Variants in STK3 observed in about 807,000 individuals in gnomAD.
STK3 encodes the protein serine/threonine-protein kinase 3.
A neutral mutation model predicts 58.0 loss-of-function variants in STK3; 41 were observed. The ratio of observed to expected loss-of-function variants is 0.71; its 90% CI spans 0.55 to 0.92. The LOEUF is 0.92. Among genes scored for constraint, STK3 ranks in the 40% least tolerant of loss-of-function variants. The pLI, the probability that STK3 is intolerant of heterozygous loss-of-function variation, is 0.00. For synonymous variants in STK3, 170 were observed against 191.0 expected, an observed-to-expected ratio of 0.89 and a Z score of 0.91; for missense variants, 479 against 602.7, an observed-to-expected ratio of 0.79 and a Z score of 2.15.
At chr8:98,461,725 T>C (rs1040379983) in intron 10 of STK3, among the ~76,000 whole-genome samples, 17 of 152,348 alleles carry the variant, frequency 1.1e-4, no homozygotes, top group African/African-American at 3.8e-4. Flanking sequence ...AAAGAATTTA[T>C]TTCTCCTTCA....
At chr8:98,585,413 C>G (rs1246942012) in intron 7 of STK3, among the ~76,000 whole-genome samples, 2 of 151,264 alleles carry the variant, frequency 1.3e-5, no homozygotes, top group Non-Finnish European at 1.5e-5. Context: ...TGTAGATATG[C>G]GGCATTATTT....
chr8:98,565,013 T>C (rs1489557123), intron 8 of STK3, among the ~76,000 whole-genome samples: 1 of 152,162 alleles, frequency 6.6e-6, no homozygotes, highest in African/African-American at 2.4e-5. Flanking sequence ...TTTTTCTATT[T>C]CTTCTATAAA....
chr8:98,399,575 C>G (rs1817924290), downstream of STK3, among the ~76,000 whole-genome samples: 1 of 152,210 alleles, frequency 6.6e-6, no homozygotes. Context: ...GGAAGACTGG[C>G]AAACAAAGCT....
chr8:98,385,178 C>T (rs998303250), intron 1 of STK3, among the ~76,000 whole-genome samples: 15 of 152,086 alleles, frequency 9.9e-5, no homozygotes, highest in African/African-American at 3.6e-4. Flanking sequence ...GAGAAGAAAC[C>T]CTGTTGTGCC....
In STK3 at chr8:98,807,354, C is replaced by T. The variant is rs546524068; in HGVS notation, c.26+18161G>A. 4.6e-5 allele frequency among the ~76,000 whole-genome samples: 7 copies of T among 151,916 alleles called. No homozygotes were observed. In the South Asian group the frequency reaches 1.5e-3, roughly 32 times the overall value. On this transcript the variant is annotated intron_variant, in intron 1 of 10. Coordinates refer to ENST00000419617, the MANE Select transcript of STK3 (RefSeq NM_006281.4). ...TCACTGCAACATCTGCCTCCTGAGT[C>T]CAAACAATTCTTGTGCCCCAGCCTC... is the stretch of plus-strand genomic sequence containing the variant.
At chr8:98,782,231 A>G (rs4255105) in intron 1 of STK3, 125,225 of 170,550 alleles carry the variant, frequency 0.73, 46,862 homozygotes, top group African/African-American at 0.87. Context: ...CTCACTGCCA[A>G]AAAAGCACCT....
intron 1 of STK3, among the ~76,000 whole-genome samples, chr8:98,815,037 C>A (rs530949254): frequency 6.6e-6 from 1 of 152,130 alleles, no homozygotes; most frequent in East Asian, 1.9e-4. Flanking sequence ...TATTTTCTAT[C>A]TTTTTCATTT....
chr8:98,543,918 C>G (rs1002762159), intron 9 of STK3, among the ~76,000 whole-genome samples: 2 of 152,094 alleles, frequency 1.3e-5, no homozygotes, highest in Non-Finnish European at 2.9e-5. Flanking sequence ...TGGACCATAT[C>G]AAAGTTTTCC....
chr8:98,408,651 G>C (rs1818023526), intron 3 of STK3, among the ~76,000 whole-genome samples: 1 of 152,184 alleles, frequency 6.6e-6, no homozygotes, highest in Admixed American at 6.5e-5. Flanking sequence ...TTCTAAATAG[G>C]CCTTCCTGAC....
intron 10 of STK3, among the ~76,000 whole-genome samples, chr8:98,464,577 G>GA (rs1206427709): frequency 6.9e-5 from 7 of 102,154 alleles, no homozygotes; most frequent in Admixed American, 1.9e-4. Context: ...AAGAAAGAAA[G>GA]AAAAAAAAAG....
chr8:98,706,688 T>C (rs1825986132), intron 5 of STK3, 54 bp from the exon 6 acceptor site: 2 of 1,449,126 alleles, frequency 1.4e-6, no homozygotes, highest in Non-Finnish European at 1.8e-6. Flanking sequence ...AAAGGAAATC[T>C]GTATGCCAAA....
At chr8:98,498,058 T>C (rs1219539398) in intron 10 of STK3, among the ~76,000 whole-genome samples, 1 of 152,320 alleles carries the variant, frequency 6.6e-6, no homozygotes, top group Non-Finnish European at 1.5e-5. Flanking sequence ...CACGGCCTCA[T>C]AGTATTCCAT....
At position 98,731,616 on chromosome 8, in the gene STK3, G is replaced by T. The variant is rs539190193; in HGVS notation, c.351+17660C>A. Among the ~76,000 whole-genome samples, 3 of 151,972 alleles carry T rather than the reference G, an allele frequency of 2.0e-5. No individual in the cohort carries two copies. In the East Asian group the frequency reaches 5.8e-4, roughly 29 times the overall value. ...CAGTAGCCTGTAGTCCCAGCTACTC[G>T]GGAGGCTGAGGCAGGAGAATGGTGT... is the stretch of plus-strand genomic sequence containing the variant. On this transcript the variant is annotated intron_variant, in intron 4 of 10. Transcript: ENST00000419617.
intron 3 of STK3, among the ~76,000 whole-genome samples, chr8:98,861,344 ATTTTTTTTTTTT>A (rs772895902): frequency 2.3e-5 from 2 of 85,900 alleles, no homozygotes; most frequent in African/African-American, 4.8e-5. Flanking sequence ...GTTTCTTTGG[ATTTTTTTTTTTT>A]TTTTTTTTTT....
chr8:98,375,370 T>C (rs1297468603), intron 2 of STK3, among the ~76,000 whole-genome samples: 2 of 151,904 alleles, frequency 1.3e-5, no homozygotes, highest in African/African-American at 4.8e-5. Context: ...TAGATAAAAC[T>C]CTCTGTCTTC....
chr8:98,716,494 T>C (rs1467920731), intron 4 of STK3, among the ~76,000 whole-genome samples: 2 of 151,882 alleles, frequency 1.3e-5, no homozygotes, highest in Non-Finnish European at 2.9e-5. Context: ...ATCTGTACAA[T>C]GAAAACTACA....
intron 1 of STK3, among the ~76,000 whole-genome samples, chr8:98,925,052 G>A (rs752211938): frequency 1.3e-5 from 2 of 152,202 alleles, no homozygotes; most frequent in African/African-American, 4.8e-5. Flanking sequence ...ATCCTGTAAT[G>A]AGAATGATGT....
At chr8:98,883,998 C>CT (rs1837892219) in intron 1 of STK3, among the ~76,000 whole-genome samples, 1 of 152,048 alleles carries the variant, frequency 6.6e-6, no homozygotes, top group African/African-American at 2.4e-5. Context: ...AGGAGTTCTC[C>CT]CAAGGTGTAC....
downstream of STK3, among the ~76,000 whole-genome samples, chr8:98,400,493 C>T (rs566278093): frequency 6.6e-5 from 10 of 152,350 alleles, no homozygotes; most frequent in East Asian, 7.7e-4. Flanking sequence ...ATCTCTCTCA[C>T]GCAGATCCCT....
Sources: allele counts gnomAD v4.1 joint callset (sites outside exome capture counted in the v4.1 genomes callset), GRCh38; gene constraint gnomAD v4.1.1; transcripts MANE v1.5; gene names NCBI Gene and HGNC (gene_info 2026-07-23, HGNC 2026-07-21).